The following MKX variants were observed in gnomAD, a reference collection of about 807,000 sequenced individuals.
MKX encodes homeobox protein Mohawk.
A neutral mutation model predicts 36.0 loss-of-function variants in MKX; 13 were observed. The ratio of observed to expected loss-of-function variants is 0.36; its 90% confidence interval spans 0.24 to 0.57. The LOEUF is 0.57. Among genes scored for constraint, MKX ranks in the 20% least tolerant of loss-of-function variants. The pLI, the probability that MKX is intolerant of heterozygous loss-of-function variation, is 0.79. For missense variants in MKX, 458 were observed against 456.4 expected (o/e 1.00, Z -0.03); for synonymous variants, 176 against 178.3 (o/e 0.99, Z 0.10).
rs1380865490 is a variant in MKX, at chr10:27,674,032, T to C, written c.*1197A>G. ...TCCCAAGCTGATTGGAATATTATTG[T>C]TTAGTTGAGAAAGATAGTCTTCTTT... is the stretch of plus-strand genomic sequence containing the variant. On this transcript the variant is annotated 3_prime_UTR_variant, in exon 7 of 7. Coordinates refer to ENST00000419761, the MANE Select transcript of MKX (RefSeq NM_173576.3). 1.3e-5 allele frequency: 2 copies of C among 152,188 alleles called. No homozygotes were observed. The highest frequency in any genetic ancestry group is 2.9e-5 in the Non-Finnish European group (2 of 68,030). 9.4% of individuals were successfully genotyped at this position (152,188 alleles called of 1,614,324 possible). A position where few individuals can be genotyped will look rare whatever the true frequency, so the allele number is the denominator to read the frequency against.
At chr10:27,714,911 G>C (rs1319743518) in intron 5 of MKX, among the ~76,000 whole-genome samples, 1 of 152,180 alleles carries the variant, frequency 6.6e-6, no homozygotes, top group Non-Finnish European at 1.5e-5. Context: ...TGAAGTAAAG[G>C]GTGTAAGTCG....
intron 5 of MKX, among the ~76,000 whole-genome samples, chr10:27,696,051 G>T (rs115591078): frequency 0.013 from 1,981 of 152,078 alleles, 32 homozygotes; most frequent in African/African-American, 0.046. Flanking sequence ...TTTTGTTGTT[G>T]TTGCTTATCT....
chr10:27,719,978 CAAAAAAA>C (rs201683975), intron 5 of MKX, among the ~76,000 whole-genome samples: 81 of 84,580 alleles, frequency 9.6e-4, no homozygotes, highest in Admixed American at 1.8e-3. Context: ...AACAGAGTCT[CAAAAAAA>C]AAAAAAAAAA....
intron 5 of MKX, among the ~76,000 whole-genome samples, chr10:27,699,995 T>A (rs539880975): frequency 9.2e-5 from 14 of 152,340 alleles, no homozygotes; most frequent in Middle Eastern, 3.4e-3. Context: ...TACAGAGCAG[T>A]CATCTGCCCG....
At position 27,741,261 on chromosome 10, in the gene MKX, TG is replaced by T; in HGVS notation, c.348+83del. ...TCCCTCTCCAGGTAGAAGCGCCACGTGGAGAGCCACACGAACTCTAAGCGTT... is the reference window on the plus strand; with the variant it reads ...TCCCTCTCCAGGTAGAAGCGCCACGTGAGAGCCACACGAACTCTAAGCGTT... On this transcript the variant is annotated intron_variant, in intron 3 of 6. Coordinates refer to ENST00000419761, the MANE Select transcript of MKX (RefSeq NM_173576.3). The surrounding 1 kb of genome is among the most constrained non-coding windows in gnomAD (Gnocchi z 5.1). 6.4e-7 allele frequency: 1 copy of T among 1,555,562 alleles called. No individual in the cohort carries two copies.
intron 5 of MKX, among the ~76,000 whole-genome samples, chr10:27,704,574 T>C (rs1056572257): frequency 6.6e-6 from 1 of 152,106 alleles, no homozygotes; most frequent in Non-Finnish European, 1.5e-5. Context: ...ATTTAAAATA[T>C]GGTATTTCCA....
intron 5 of MKX, among the ~76,000 whole-genome samples, chr10:27,730,779 T>A (rs7358288): frequency 0.1 from 15,377 of 151,512 alleles, 2,532 homozygotes; most frequent in African/African-American, 0.35. Flanking sequence ...TTTGATTCCA[T>A]ATATTTAATA....
chr10:27,700,035 G>A (rs1836624119), intron 5 of MKX, among the ~76,000 whole-genome samples: 1 of 152,170 alleles, frequency 6.6e-6, no homozygotes. Flanking sequence ...CAAACTTTTG[G>A]AGGGAATGAC....
intron 3 of MKX, among the ~76,000 whole-genome samples, chr10:27,736,531 G>C (rs1362687272): frequency 6.6e-6 from 1 of 152,022 alleles, no homozygotes; most frequent in Non-Finnish European, 1.5e-5. Flanking sequence ...AAATCTTTCT[G>C]CCAGTTTGGT....
intron 5 of MKX, among the ~76,000 whole-genome samples, chr10:27,683,724 G>T (rs1836295105): frequency 6.6e-6 from 1 of 152,226 alleles, no homozygotes; most frequent in South Asian, 2.1e-4. Flanking sequence ...AGCCTCTGGG[G>T]ATACCAGATC....
chr10:27,686,394 A>AAGG (rs1311106601), intron 5 of MKX, among the ~76,000 whole-genome samples: 21 of 123,000 alleles, frequency 1.7e-4, no homozygotes, highest in Middle Eastern at 3.6e-3. Context: ...AAGGGAAGGG[A>AAGG]AAGGAAGGAA....
At chr10:27,729,605 C>A (rs1467575705) in intron 5 of MKX, among the ~76,000 whole-genome samples, 1 of 151,768 alleles carries the variant, frequency 6.6e-6, no homozygotes, top group Non-Finnish European at 1.5e-5. Context: ...CCGCTCCTGG[C>A]CTGCACTAGG....
chr10:27,734,668 C>T lies in MKX; in HGVS notation c.626G>A (p.Ser209Asn). Residue 209 changes from serine to asparagine, a missense_variant, in exon 5 of 7, where the codon AGT (serine) becomes AAT (asparagine). Physicochemically the swap from Ser to Asn is conservative, Grantham distance 46. Transcript: ENST00000419761. ...KAGVRPESRA[S>N]EDYVAPPKYK... is the part of the protein sequence containing the mutation. ...TTTGGGGGGTGCCACGTAGTCCTCACTGGCCCGTGACTCTGGCCTCACTCC... is the reference window on the plus strand; with the variant it reads ...TTTGGGGGGTGCCACGTAGTCCTCATTGGCCCGTGACTCTGGCCTCACTCC... 6.2e-7 allele frequency: 1 copy of T among 1,614,174 alleles called. No individual in the cohort carries two copies. Among genetic ancestry groups the T allele is most frequent in the Non-Finnish European group, 8.5e-7 (1 of 1,180,026 alleles).
chr10:27,717,174 G>A (rs1339825257), intron 5 of MKX, among the ~76,000 whole-genome samples: 1 of 152,078 alleles, frequency 6.6e-6, no homozygotes, highest in Non-Finnish European at 1.5e-5. Context: ...AAGCTTGTAC[G>A]TGGGTTCTCT....
intron 5 of MKX, among the ~76,000 whole-genome samples, chr10:27,678,168 G>A (rs1836188064): frequency 6.6e-6 from 1 of 152,118 alleles, no homozygotes; most frequent in Non-Finnish European, 1.5e-5. Context: ...TTTTTATTGA[G>A]TTCTATTCTC....
chr10:27,684,178 G>C (rs1473785486), intron 5 of MKX, among the ~76,000 whole-genome samples: 3 of 151,814 alleles, frequency 2.0e-5, no homozygotes, highest in Non-Finnish European at 2.9e-5. Flanking sequence ...AGCCAGGCAT[G>C]GTGGTGTGTG....
chr10:27,673,858 C>A lies in MKX; in HGVS notation c.*1371G>T, dbSNP rs946207817. On this transcript the variant is annotated 3_prime_UTR_variant, in exon 7 of 7. Transcript: ENST00000419761. ...CACTATTGACCCTCATTCACACTGACAAAAATGCTTTCCAGTTTAAAAAAA... is the reference window on the plus strand; with the variant it reads ...CACTATTGACCCTCATTCACACTGAAAAAAATGCTTTCCAGTTTAAAAAAA... The A allele has an allele frequency of 6.6e-6, 1 of 151,638 alleles. No homozygotes were observed. The allele number at this position is 151,638 out of a possible 1,614,324, so 9.4% of individuals were successfully genotyped here.
chr10:27,686,707 C>T (rs1320324862), intron 5 of MKX, among the ~76,000 whole-genome samples: 1 of 152,160 alleles, frequency 6.6e-6, no homozygotes, highest in Non-Finnish European at 1.5e-5. Context: ...AAACTCTCAA[C>T]CTCAGGTGAT....
chr10:27,699,917 G>A lies in MKX; in HGVS notation c.839-24363C>T, dbSNP rs528440159. 5.9e-5 allele frequency among the ~76,000 whole-genome samples: 9 copies of A among 152,276 alleles called. No homozygotes were observed. The South Asian group carries it at 1.9e-3, about 32-fold the overall frequency. On this transcript the variant is annotated intron_variant, in intron 5 of 6. Coordinates refer to ENST00000419761, the MANE Select transcript of MKX (RefSeq NM_173576.3). ...TATTGGCAAAGCTCAGAAAAACCTT[G>A]TAGTCCAACTTGCTTATGTTCAGCT...
Sources: allele counts gnomAD v4.1 joint callset (sites outside exome capture counted in the v4.1 genomes callset), GRCh38; gene constraint gnomAD v4.1.1; non-coding constraint Gnocchi (gnomAD v3.1); transcripts MANE v1.5; gene names NCBI Gene and HGNC (gene_info 2026-07-23, HGNC 2026-07-21).